The following FTO variants were observed in gnomAD, a reference collection of about 807,000 sequenced individuals.
FTO encodes FTO alpha-ketoglutarate dependent dioxygenase.
Under a neutral mutation model 63.9 loss-of-function variants are expected in FTO, and 47 were observed. The observed-to-expected ratio is 0.74, with a 90% CI of 0.58 to 0.94. The LOEUF (loss-of-function observed/expected upper bound fraction) is 0.94. FTO is among the 40% of genes least tolerant of loss of function. FTO has a pLI of 0.00. For missense variants in FTO, 562 were observed against 618.1 expected (o/e 0.91, Z 0.96); for synonymous variants, 207 against 224.4 (o/e 0.92, Z 0.69).
chr16:53,933,449 C>G (rs2082324472), intron 7 of FTO, among the ~76,000 whole-genome samples: 2 of 152,118 alleles, frequency 1.3e-5, no homozygotes, highest in African/African-American at 4.8e-5. Flanking sequence ...TTTGCAAGAT[C>G]TTGATTTGCA....
At chr16:53,834,347 G>A (rs1366241676) in intron 3 of FTO, among the ~76,000 whole-genome samples, 1 of 152,136 alleles carries the variant, frequency 6.6e-6, no homozygotes, top group Admixed American at 6.5e-5. Context: ...ATATATTAAT[G>A]TGATGAGCAC....
At chr16:53,771,717 C>A (rs562684250) in intron 1 of FTO, among the ~76,000 whole-genome samples, 13 of 152,130 alleles carry the variant, frequency 8.5e-5, no homozygotes, top group Admixed American at 2.6e-4. Context: ...AAAACCCAAA[C>A]GCCCATCAAT....
rs191154460 is a variant in FTO at position 53,847,008 on chromosome 16, C to A, written c.895+2710C>A. 2.0e-5 allele frequency among the ~76,000 whole-genome samples: 3 copies of A among 152,122 alleles called. No homozygotes were observed. In the East Asian group the frequency reaches 5.8e-4, roughly 29 times the overall value. On this transcript the variant is annotated intron_variant, in intron 4 of 8. Transcript: ENST00000471389. Reference sequence around the variant, plus strand: ...CTGATTTAATATATTTCTTTTCAGTCTTTTTCTGTATATGTATGTCTGGAA... The same window carrying A: ...CTGATTTAATATATTTCTTTTCAGTATTTTTCTGTATATGTATGTCTGGAA...
At chr16:53,919,851 G>A (rs1379616081) in intron 7 of FTO, among the ~76,000 whole-genome samples, 1 of 152,116 alleles carries the variant, frequency 6.6e-6, no homozygotes, top group Admixed American at 6.5e-5. Context: ...TGGGAAGGAG[G>A]TGAGGGATAA....
Position 53,771,690 on chromosome 16 carries a change from G to A in FTO, c.46-38450G>A, listed in dbSNP as rs151055559. Among the ~76,000 whole-genome samples, 694 of 152,188 alleles carry A rather than the reference G, an allele frequency of 4.6e-3. 1 individual carries two copies. The highest frequency in any genetic ancestry group is 7.2e-3 in the Non-Finnish European group (490 of 67,976). Reference sequence around the variant, plus strand: ...GAATGTTCACAGCAGCGTTATTCATGATAGCCAAAAGTGGAAAAAACCCAA... The same window carrying A: ...GAATGTTCACAGCAGCGTTATTCATAATAGCCAAAAGTGGAAAAAACCCAA... On this transcript the variant is annotated intron_variant, in intron 1 of 8. Coordinates refer to ENST00000471389, the MANE Select transcript of FTO (RefSeq NM_001080432.3).
At chr16:54,041,700 C>T (rs894549219) in intron 8 of FTO, among the ~76,000 whole-genome samples, 1 of 152,100 alleles carries the variant, frequency 6.6e-6, no homozygotes, top group Non-Finnish European at 1.5e-5. Flanking sequence ...GTCTCCACTT[C>T]TAGGGCCACA....
At chr16:53,736,832 C>T (rs2076400122) in intron 1 of FTO, among the ~76,000 whole-genome samples, 2 of 152,154 alleles carry the variant, frequency 1.3e-5, no homozygotes, top group African/African-American at 4.8e-5. Flanking sequence ...TGACACTTTC[C>T]ATCTCCCCGC....
intron 4 of FTO, among the ~76,000 whole-genome samples, chr16:53,872,081 C>T (rs780318928): frequency 2.0e-5 from 3 of 152,248 alleles, no homozygotes; most frequent in East Asian, 1.9e-4. Context: ...GGGACTAGAG[C>T]AGCCTTTAAC....
intron 4 of FTO, among the ~76,000 whole-genome samples, chr16:53,857,605 T>TG (rs995824032): frequency 1.5e-4 from 23 of 152,208 alleles, no homozygotes; most frequent in African/African-American, 5.1e-4. Flanking sequence ...TGGGGTTCAC[T>TG]GGGGTGGACC....
Position 54,114,299 on chromosome 16 carries a change from C to T in FTO, c.*2384C>T, listed in dbSNP as rs1168750489. 1 of 152,178 alleles carries T rather than the reference C, an allele frequency of 6.6e-6. No individual in the cohort carries two copies. The highest frequency in any genetic ancestry group is 1.5e-5 in the Non-Finnish European group (1 of 68,054). 9.4% of individuals were successfully genotyped at this position (152,178 alleles called of 1,614,324 possible). A position where few individuals can be genotyped will look rare whatever the true frequency, so the allele number is the denominator to read the frequency against. On this transcript the variant is annotated 3_prime_UTR_variant, in exon 9 of 9. Transcript: ENST00000471389. ...CCTGCATCACCCTTTCATGTCAGTG[C>T]TCTCCAAACCTGCTTGCTTGCACCC...
chr16:54,033,507 A>G (rs1301232708), intron 8 of FTO, among the ~76,000 whole-genome samples: 2 of 152,234 alleles, frequency 1.3e-5, no homozygotes, highest in Non-Finnish European at 2.9e-5. Flanking sequence ...GTTGTGTGGT[A>G]TAAATTTGTC....
chr16:53,879,291 G>T (rs1048883647), intron 5 of FTO, among the ~76,000 whole-genome samples: 1 of 152,164 alleles, frequency 6.6e-6, no homozygotes, highest in Non-Finnish European at 1.5e-5. Flanking sequence ...TGAGGCCCAC[G>T]TAAAAGAAAA....
chr16:53,738,371 G>C (rs1485708053), intron 1 of FTO, among the ~76,000 whole-genome samples: 4 of 152,080 alleles, frequency 2.6e-5, no homozygotes, highest in African/African-American at 7.2e-5. Flanking sequence ...TGAACTCCTG[G>C]TGTCAGGCAG....
intron 8 of FTO, among the ~76,000 whole-genome samples, chr16:54,021,731 G>T (rs923759273): frequency 2.0e-5 from 3 of 152,070 alleles, no homozygotes; most frequent in Admixed American, 2.0e-4. Context: ...CTCATGATCC[G>T]CCTGCCTTGG....
chr16:53,903,388 C>T (rs770790075), intron 7 of FTO, among the ~76,000 whole-genome samples: 2 of 151,806 alleles, frequency 1.3e-5, no homozygotes, highest in Admixed American at 6.6e-5. Flanking sequence ...CCTCCCGAGT[C>T]GCTGGGATTC....
chr16:53,801,832 T>C (rs1819129786), intron 1 of FTO, among the ~76,000 whole-genome samples: 1 of 152,066 alleles, frequency 6.6e-6, no homozygotes, highest in South Asian at 2.1e-4. Flanking sequence ...TGAACTCGGC[T>C]CACTGCAACC....
chr16:53,889,033 T>A, intron 7 of FTO, 82 bp downstream of exon 7: 1 of 1,451,180 alleles, frequency 6.9e-7, no homozygotes, highest in South Asian at 1.1e-5. Context: ...CTTAGGCAAA[T>A]GTAGATTTAA....
intron 8 of FTO, among the ~76,000 whole-genome samples, chr16:54,032,215 A>T (rs1172865344): frequency 6.6e-6 from 1 of 152,232 alleles, no homozygotes; most frequent in Admixed American, 6.5e-5. Flanking sequence ...GTAAGCATGC[A>T]TCTGACAGAG....
At chr16:53,942,809 C>T (rs2082562929) in intron 8 of FTO, among the ~76,000 whole-genome samples, 1 of 152,160 alleles carries the variant, frequency 6.6e-6, no homozygotes. Context: ...TGTCATCGGA[C>T]CACGTCAGCT....
Sources: gnomAD v4.1 joint callset for allele counts (sites outside exome capture counted in the v4.1 genomes callset) on GRCh38, gnomAD v4.1.1 for gene constraint, MANE v1.5 for transcripts, NCBI Gene and HGNC (gene_info 2026-07-23, HGNC 2026-07-21) for gene names.